Variants in NALF1 observed in about 807,000 individuals in gnomAD.
NALF1 encodes the protein family with sequence similarity 155 member A.
Under a neutral mutation model 48.4 loss-of-function variants are expected in NALF1, and 3 were observed. The observed-to-expected ratio is 0.06, with a 90% CI of 0.03 to 0.16. The LOEUF (loss-of-function observed/expected upper bound fraction) is 0.16, where lower values mean the gene tolerates loss of function less well. NALF1 is among the 10% of genes least tolerant of loss of function. NALF1 has a pLI of 1.00. For synonymous variants in NALF1, 262 were observed against 245.7 expected, an observed-to-expected ratio of 1.07 and a Z score of -0.62; for missense variants, 526 against 571.5, an observed-to-expected ratio of 0.92 and a Z score of 0.81.
rs185072380 is a variant in NALF1 at position 107,740,521 on chromosome 13, A to T, written c.915+125161T>A. On this transcript the variant is annotated intron_variant, in intron 1 of 2. Transcript: ENST00000375915. ...ACTGAATTTCTTGAAATTACATAGC[A>T]TCTATTATTAGATTATTCATCACAA... Among the ~76,000 whole-genome samples, 2 of 152,222 alleles carry T rather than the reference A, an allele frequency of 1.3e-5. 1 individual carries two copies. Among genetic ancestry groups the T allele is most frequent in the South Asian group, 4.1e-4 (2 of 4,828 alleles).
intron 1 of NALF1, among the ~76,000 whole-genome samples, chr13:107,590,267 G>T (rs1213518274): frequency 6.6e-6 from 1 of 151,822 alleles, no homozygotes; most frequent in African/African-American, 2.4e-5. Context: ...ATTTCTATAA[G>T]TTGTTTTTAT....
Position 107,478,832 on chromosome 13 carries a change from G to A in NALF1, c.916-268077C>T, listed in dbSNP as rs74241534. On this transcript the variant is annotated intron_variant, in intron 1 of 2. Transcript: ENST00000375915. Reference sequence around the variant, plus strand: ...CTTCAACACAAAAAGTCACTATTATGTAACGTATTACAGAGTTTTATTGTG... The same window carrying A: ...CTTCAACACAAAAAGTCACTATTATATAACGTATTACAGAGTTTTATTGTG... Among the ~76,000 whole-genome samples the A allele has an allele frequency of 5.8e-3, 889 of 152,082 alleles. 30 individuals carry two copies. In the East Asian group the frequency reaches 0.1, roughly 17 times the overall value.
intron 1 of NALF1, among the ~76,000 whole-genome samples, chr13:107,420,249 A>G (rs1380749990): frequency 1.3e-5 from 2 of 152,208 alleles, no homozygotes; most frequent in Non-Finnish European, 2.9e-5. Flanking sequence ...AGACAAAACA[A>G]AAAGAGGAAG....
chr13:107,335,790 A>G (rs1882544552), intron 1 of NALF1, among the ~76,000 whole-genome samples: 1 of 152,234 alleles, frequency 6.6e-6, no homozygotes, highest in African/African-American at 2.4e-5. Flanking sequence ...AGTCGATTCT[A>G]TCCCACGATT....
intron 1 of NALF1, among the ~76,000 whole-genome samples, chr13:107,607,491 T>C (rs1321346970): frequency 6.6e-6 from 1 of 152,154 alleles, no homozygotes; most frequent in Non-Finnish European, 1.5e-5. Context: ...TAGTAGTAAA[T>C]TAGAAAATCT....
intron 1 of NALF1, among the ~76,000 whole-genome samples, chr13:107,777,131 T>C (rs969923590): frequency 1.3e-5 from 2 of 152,160 alleles, no homozygotes; most frequent in African/African-American, 4.8e-5. Flanking sequence ...CATTTACTGA[T>C]ATTTCTATAT....
At chr13:107,495,693 C>G (rs1875311167) in intron 1 of NALF1, among the ~76,000 whole-genome samples, 1 of 152,068 alleles carries the variant, frequency 6.6e-6, no homozygotes, top group African/African-American at 2.4e-5. Context: ...TGAAATCACA[C>G]ATAGGAAGAA....
intron 1 of NALF1, among the ~76,000 whole-genome samples, chr13:107,358,761 C>T (rs1022168926): frequency 5.3e-5 from 8 of 152,122 alleles, no homozygotes; most frequent in African/African-American, 1.9e-4. Context: ...TCTTGAAATC[C>T]ATCACAATAT....
chr13:107,173,813 T>C (rs1318195707), intron 2 of NALF1, among the ~76,000 whole-genome samples: 2 of 152,242 alleles, frequency 1.3e-5, no homozygotes, highest in Non-Finnish European at 2.9e-5. Flanking sequence ...AATTTAGAAA[T>C]GATCGTTCTT....
intron 1 of NALF1, among the ~76,000 whole-genome samples, chr13:107,599,499 C>A (rs1878863254): frequency 6.6e-6 from 1 of 151,822 alleles, no homozygotes; most frequent in South Asian, 2.1e-4. Flanking sequence ...CCAAATTGCT[C>A]TCCAAAATTT....
chr13:107,291,040 T>C (rs1392095150), intron 1 of NALF1, among the ~76,000 whole-genome samples: 4 of 151,698 alleles, frequency 2.6e-5, no homozygotes, highest in African/African-American at 9.7e-5. Context: ...TAAAGCCTAC[T>C]CTTAATTAAC....
At chr13:107,598,524 A>G (rs909116019) in intron 1 of NALF1, among the ~76,000 whole-genome samples, 2 of 152,218 alleles carry the variant, frequency 1.3e-5, no homozygotes, top group Non-Finnish European at 2.9e-5. Context: ...CCTAATGTGC[A>G]TATCAAATTT....
intron 1 of NALF1, among the ~76,000 whole-genome samples, chr13:107,836,370 A>C (rs761420847): frequency 6.6e-6 from 1 of 152,178 alleles, no homozygotes; most frequent in Non-Finnish European, 1.5e-5. Context: ...TGTCTTAAAT[A>C]ATTTTTGTGT....
intron 1 of NALF1, among the ~76,000 whole-genome samples, chr13:107,530,157 G>A (rs1301316056): frequency 2.6e-5 from 4 of 151,984 alleles, no homozygotes; most frequent in Non-Finnish European, 5.9e-5. Flanking sequence ...ACTCTCTCCT[G>A]CCTATTAATG....
intron 1 of NALF1, among the ~76,000 whole-genome samples, chr13:107,281,219 G>A (rs1881379265): frequency 6.6e-6 from 1 of 152,086 alleles, no homozygotes; most frequent in Non-Finnish European, 1.5e-5. Context: ...AATATATTAG[G>A]GAATGTAAGA....
At chr13:107,689,467 T>A (rs1293389353) in intron 1 of NALF1, among the ~76,000 whole-genome samples, 1 of 152,162 alleles carries the variant, frequency 6.6e-6, no homozygotes, top group Non-Finnish European at 1.5e-5. Context: ...ATTAAAACAG[T>A]TTTGGTAATA....
chr13:107,424,760 T>C (rs997892304), intron 1 of NALF1, among the ~76,000 whole-genome samples: 24 of 152,336 alleles, frequency 1.6e-4, no homozygotes, highest in African/African-American at 5.3e-4. Flanking sequence ...CATATAAATG[T>C]AGCATTGTTG....
At chr13:107,472,174 C>T (rs188187791) in intron 1 of NALF1, among the ~76,000 whole-genome samples, 1 of 152,054 alleles carries the variant, frequency 6.6e-6, no homozygotes, top group African/African-American at 2.4e-5. Context: ...ACTAAAAATA[C>T]AAAAATTAGC....
intron 1 of NALF1, among the ~76,000 whole-genome samples, chr13:107,706,424 T>C (rs1881948686): frequency 6.6e-6 from 1 of 152,234 alleles, no homozygotes; most frequent in Admixed American, 6.5e-5. Context: ...CATTATAGTA[T>C]ATTAAGATTT....
Sources: gnomAD v4.1 joint callset for allele counts (sites outside exome capture counted in the v4.1 genomes callset) on GRCh38, gnomAD v4.1.1 for gene constraint, MANE v1.5 for transcripts, NCBI Gene and HGNC (gene_info 2026-07-23, HGNC 2026-07-21) for gene names.